The following OXTR variants were observed in gnomAD, a reference collection of about 807,000 sequenced individuals.
OXTR encodes the protein oxytocin receptor.
In OXTR, 19 loss-of-function variants were observed where a neutral mutation model predicts 23.9. The ratio of observed to expected loss-of-function variants is 0.80; its 90% CI spans 0.56 to 1.17. The LOEUF (loss-of-function observed/expected upper bound fraction) is 1.17, where lower values mean the gene tolerates loss of function less well. Ranked by LOEUF, OXTR falls within the 50% of genes most tolerant of loss-of-function variation. OXTR has a pLI of 0.00. For synonymous variants in OXTR, 278 were observed against 250.5 expected (o/e 1.11, Z -1.04); for missense variants, 500 against 550.7 (o/e 0.91, Z 0.92).
rs200055587 is a variant in OXTR, at chr3:8,752,794, C to T, written c.*183G>A. 1.6e-6 allele frequency: 1 copy of T among 627,546 alleles called. No homozygotes were observed. Among genetic ancestry groups the T allele is most frequent in the South Asian group, 2.0e-5 (1 of 48,972 alleles). 38.9% of individuals were successfully genotyped at this position (627,546 alleles called of 1,614,324 possible). On this transcript the variant is annotated 3_prime_UTR_variant, in exon 4 of 4. Coordinates refer to ENST00000316793, the MANE Select transcript of OXTR (RefSeq NM_000916.4). ...AGGAGGCCAGGGTGTTGTCTGATGG[C>T]TGAGTCCCCTATCATCTTCCATCAT...
At position 8,751,148 on chromosome 3, in the gene OXTR, T is replaced by C. The variant is rs957584517; in HGVS notation, c.*1829A>G. The C allele has an allele frequency of 1.3e-5, 2 of 152,248 alleles. No homozygotes were observed. The highest frequency in any genetic ancestry group is 6.5e-5 in the Admixed American group (1 of 15,288). 9.4% of individuals were successfully genotyped at this position (152,248 alleles called of 1,614,324 possible). A position where few individuals can be genotyped will look rare whatever the true frequency, so the allele number is the denominator to read the frequency against. On this transcript the variant is annotated 3_prime_UTR_variant, in exon 4 of 4. Coordinates refer to ENST00000316793, the MANE Select transcript of OXTR (RefSeq NM_000916.4). ...AATGAATAATAATGTTGAGTATTTT[T>C]TCATGTGCTTAGTAGCCATTTGCAT... is the stretch of plus-strand genomic sequence containing the variant.
the OXTR span, among the ~76,000 whole-genome samples, chr3:8,743,715 G>A: frequency 1.3e-5 from 2 of 152,254 alleles, no homozygotes; most frequent in Middle Eastern, 6.8e-3. Context: ...CCTGAGGTGG[G>A]GTGCAGGAGC....
At chr3:8,767,041 T>C (rs1575491030) in intron 3 of OXTR, among the ~76,000 whole-genome samples, 1 of 152,318 alleles carries the variant, frequency 6.6e-6, no homozygotes, top group East Asian at 1.9e-4. Flanking sequence ...TGACAGTTGG[T>C]ACTTTTATCC....
At chr3:8,754,873 T>C (rs531532345) in intron 3 of OXTR, among the ~76,000 whole-genome samples, 4 of 152,216 alleles carry the variant, frequency 2.6e-5, no homozygotes, top group African/African-American at 4.8e-5. Flanking sequence ...CAAGCTACGA[T>C]AGACAGAAAA....
chr3:8,743,170 C>T, the OXTR span, among the ~76,000 whole-genome samples: 1 of 152,200 alleles, frequency 6.6e-6, no homozygotes, highest in Non-Finnish European at 1.5e-5. Flanking sequence ...ACACCTCCCA[C>T]CAGGCCCCAT....
At chr3:8,764,253 G>A (rs1708557023) in intron 3 of OXTR, among the ~76,000 whole-genome samples, 1 of 152,152 alleles carries the variant, frequency 6.6e-6, no homozygotes, top group South Asian at 2.1e-4. Flanking sequence ...GGGTTTTCAT[G>A]ATAAAGCAGG....
chr3:8,745,400 A>G, downstream of OXTR: 8 of 717,176 alleles, frequency 1.1e-5, no homozygotes, highest in South Asian at 7.6e-5. This position sits in a 1 kb window ranked among gnomAD's most constrained non-coding sequence, Gnocchi z 4.8. Flanking sequence ...AGCCTAATAC[A>G]GGTAGGGTCC....
intron 3 of OXTR, among the ~76,000 whole-genome samples, chr3:8,759,398 G>A (rs1022013896): frequency 6.6e-6 from 1 of 152,152 alleles, no homozygotes; most frequent in African/African-American, 2.4e-5. Flanking sequence ...GACACTCTTT[G>A]GCTGGGGACT....
chr3:8,754,043 G>T (rs950453229), intron 3 of OXTR, among the ~76,000 whole-genome samples: 19 of 152,196 alleles, frequency 1.2e-4, no homozygotes, highest in African/African-American at 4.6e-4. Flanking sequence ...CATCTTCATG[G>T]CTGACCAACT....
At chr3:8,757,075 T>C (rs1353530609) in intron 3 of OXTR, among the ~76,000 whole-genome samples, 1 of 152,122 alleles carries the variant, frequency 6.6e-6, no homozygotes, top group African/African-American at 2.4e-5. Flanking sequence ...AGGATCCAGA[T>C]GCAAAGTCCT....
In OXTR at chr3:8,751,583, TC is replaced by T. The variant is rs1708260089; in HGVS notation, c.*1393del. The stretch of plus-strand genomic sequence containing the variant: ...ACATAGTGTGAGTAAAGGTCCAACC[TC>T]ATTCTTTTGCACTTGCATATCATTG... On this transcript the variant is annotated 3_prime_UTR_variant, in exon 4 of 4. Transcript: ENST00000316793. The T allele has an allele frequency of 6.6e-6, 1 of 152,108 alleles. No homozygotes were observed. The allele number at this position is 152,108 out of a possible 1,614,324, so 9.4% of individuals were successfully genotyped here.
the OXTR span, among the ~76,000 whole-genome samples, chr3:8,744,275 A>ATTTTT: frequency 0.023 from 2,730 of 120,776 alleles, 161 homozygotes; most frequent in African/African-American, 0.093. Context: ...GACCAGTGGA[A>ATTTTT]TTTTTTTTTT....
chr3:8,764,595 A>C (rs1165096100), intron 3 of OXTR, among the ~76,000 whole-genome samples: 1 of 152,200 alleles, frequency 6.6e-6, no homozygotes, highest in East Asian at 1.9e-4. Context: ...TCCACCTGCC[A>C]GTTGCAATTA....
rs184175311 is a variant in OXTR, at chr3:8,767,488, T to C, written c.700A>G (p.Lys234Glu). ...TCGGCCGCCGCCGCTGCAGCGGTCT[T>C]GAGCCGCAAGTTCTGCCAGATCTTG... Reference protein sequence around the residue: ...SFKIWQNLRLKTAAAAAAEAP... With the variant: ...SFKIWQNLRLETAAAAAAEAP... Residue 234 changes from lysine (K) to glutamate (E), a missense_variant, in exon 3 of 4, where the codon AAG becomes GAG. Coordinates refer to ENST00000316793, the MANE Select transcript of OXTR (RefSeq NM_000916.4). 6.2e-7 allele frequency: 1 copy of C among 1,609,740 alleles called. No homozygotes were observed. The highest frequency in any genetic ancestry group is 1.7e-5 in the Admixed American group (1 of 59,492).
At chr3:8,744,452 T>G in the OXTR span, among the ~76,000 whole-genome samples, 1 of 145,520 alleles carries the variant, frequency 6.9e-6, no homozygotes, top group Admixed American at 6.8e-5. Context: ...CTAATTTTTT[T>G]TTTTTTTTTT....
At chr3:8,744,560 C>A in the OXTR span, among the ~76,000 whole-genome samples, 1 of 148,588 alleles carries the variant, frequency 6.7e-6, no homozygotes, top group African/African-American at 2.5e-5. Flanking sequence ...GGAAGACGTT[C>A]ATTGACTCCA....
At chr3:8,762,739 G>A (rs1708516258) in intron 3 of OXTR, among the ~76,000 whole-genome samples, 2 of 152,232 alleles carry the variant, frequency 1.3e-5, no homozygotes, top group South Asian at 4.1e-4. Context: ...TACAGATGGG[G>A]AAACAGTTCA....
rs1456721105 is a variant in OXTR at position 8,752,950 on chromosome 3, GC to G, written c.*26del. Reference sequence around the variant, plus strand: ...TATGCCAGCACAGCCTGAGCCTCAGGCTGCAGCCCTGGCCCTGGCTGGTGGG... The same window carrying G: ...TATGCCAGCACAGCCTGAGCCTCAGGTGCAGCCCTGGCCCTGGCTGGTGGG... On this transcript the variant is annotated 3_prime_UTR_variant, in exon 4 of 4. Transcript: ENST00000316793. The G allele has an allele frequency of 6.3e-7, 1 of 1,597,076 alleles. No homozygotes were observed. Among genetic ancestry groups the G allele is most frequent in the South Asian group, 1.1e-5 (1 of 88,896 alleles).
intron 3 of OXTR, among the ~76,000 whole-genome samples, chr3:8,758,347 G>C (rs1468287715): frequency 2.0e-5 from 3 of 152,082 alleles, no homozygotes; most frequent in African/African-American, 7.2e-5. Context: ...TGAGGCTACC[G>C]GCACGTTTCA....
Sources: allele counts gnomAD v4.1 joint callset (sites outside exome capture counted in the v4.1 genomes callset), GRCh38; gene constraint gnomAD v4.1.1; non-coding constraint Gnocchi (gnomAD v3.1); transcripts MANE v1.5; gene names NCBI Gene and HGNC (gene_info 2026-07-23, HGNC 2026-07-21).